The following IQANK1 variants were observed in gnomAD, a reference collection of about 807,000 sequenced individuals.
IQANK1 encodes the protein IQ motif and ankyrin repeat domain-containing protein 1.
In IQANK1, 30 loss-of-function variants were observed where a neutral mutation model predicts 22.6. That is an observed-to-expected ratio of 1.33 (90% CI 0.99 to 1.80). The LOEUF is 1.80. Among genes scored for constraint, IQANK1 ranks in the 40% most tolerant of loss-of-function variants. The pLI is 0.00. For missense variants in IQANK1, 275 were observed against 235.2 expected, an observed-to-expected ratio of 1.17 and a Z score of -1.11; for synonymous variants, 122 against 99.6, an observed-to-expected ratio of 1.23 and a Z score of -1.34.
In IQANK1 at chr8:143,789,501, C is replaced by T; in HGVS notation, c.1059C>T (p.Cys353=). Residue 353 remains cysteine (C), a synonymous_variant, in exon 10 of 14, where the codon TGC becomes TGT. Transcript: ENST00000527139. ...ISEHDQCEWR[C]MDKTKLTLQA... is the part of the protein sequence containing the mutation. Reference sequence around the variant, plus strand: ...AGCACGACCAGTGTGAGTGGAGGTGCATGGACAAGACCAAGCTCACGCTGC... The same window carrying T: ...AGCACGACCAGTGTGAGTGGAGGTGTATGGACAAGACCAAGCTCACGCTGC... 1 of 1,232,212 alleles carries T rather than the reference C, an allele frequency of 8.1e-7. No individual in the cohort carries two copies. Among genetic ancestry groups the T allele is most frequent in the Non-Finnish European group, 1.0e-6 (1 of 988,176 alleles). 76.3% of individuals were successfully genotyped at this position (1,232,212 alleles called of 1,614,324 possible).
intron 7 of IQANK1, among the ~76,000 whole-genome samples, chr8:143,773,983 C>T (rs1554630081): frequency 6.6e-6 from 1 of 152,106 alleles, no homozygotes; most frequent in African/African-American, 2.4e-5. Context: ...CTCCATGGTG[C>T]TGGAGCATTG....
intron 7 of IQANK1, among the ~76,000 whole-genome samples, chr8:143,782,636 A>G (rs1015138601): frequency 6.6e-6 from 1 of 152,056 alleles, no homozygotes; most frequent in East Asian, 1.9e-4. Flanking sequence ...ACGTGCCACC[A>G]TGCCCAGCTA....
At chr8:143,787,254 G>A (rs1026942556) in intron 7 of IQANK1, among the ~76,000 whole-genome samples, 1 of 152,156 alleles carries the variant, frequency 6.6e-6, no homozygotes, top group Non-Finnish European at 1.5e-5. Flanking sequence ...TTTGATTTTG[G>A]CCCTGGTGGG....
chr8:143,781,027 A>G (rs1034908157), intron 7 of IQANK1, among the ~76,000 whole-genome samples: 3 of 152,166 alleles, frequency 2.0e-5, no homozygotes, highest in Admixed American at 2.0e-4. Flanking sequence ...TCTGGCTGGT[A>G]TGAGATGGTG....
intron 3 of IQANK1, among the ~76,000 whole-genome samples, chr8:143,746,542 C>A (rs1482977725): frequency 6.6e-6 from 1 of 152,070 alleles, no homozygotes; most frequent in Admixed American, 6.6e-5. Flanking sequence ...GCCATCATGT[C>A]TGGCTAAATT....
intron 2 of IQANK1, among the ~76,000 whole-genome samples, chr8:143,738,347 G>A (rs1212210944): frequency 3.3e-5 from 5 of 152,198 alleles, no homozygotes; most frequent in African/African-American, 9.6e-5. Context: ...TACAGTGGCC[G>A]TGTGCTCCCA....
intron 7 of IQANK1, among the ~76,000 whole-genome samples, chr8:143,782,860 C>T (rs1819822094): frequency 6.6e-6 from 1 of 152,216 alleles, no homozygotes; most frequent in Non-Finnish European, 1.5e-5. Context: ...TCCATTCATT[C>T]CTAAACATGA....
At chr8:143,749,123 T>C (rs2129824524) in intron 3 of IQANK1, among the ~76,000 whole-genome samples, 1 of 123,404 alleles carries the variant, frequency 8.1e-6, no homozygotes, top group African/African-American at 3.3e-5. Flanking sequence ...AACGTATATA[T>C]AGCATATATG....
intron 3 of IQANK1, chr8:143,759,236 C>A: frequency 5.5e-6 from 1 of 183,020 alleles, no homozygotes; most frequent in East Asian, 1.4e-4. Context: ...CGTTACAGCC[C>A]TGCACCAGCA....
chr8:143,789,162 C>G, intron 8 of IQANK1, 27 bp from the exon 9 acceptor site: 1 of 400,502 alleles, frequency 2.5e-6, no homozygotes, highest in Non-Finnish European at 4.4e-6. Flanking sequence ...GCGGAAGCCT[C>G]TGTCCCAGCT....
At chr8:143,787,120 G>A (rs1244088860) in intron 7 of IQANK1, among the ~76,000 whole-genome samples, 1 of 152,240 alleles carries the variant, frequency 6.6e-6, no homozygotes, top group Non-Finnish European at 1.5e-5. Context: ...CCCAGGGTTT[G>A]TCTCATCCAC....
At chr8:143,766,859 T>C (rs1234879706) in intron 3 of IQANK1, among the ~76,000 whole-genome samples, 1 of 152,170 alleles carries the variant, frequency 6.6e-6, no homozygotes, top group Non-Finnish European at 1.5e-5. Context: ...TTGCCTGTTG[T>C]GAATGGGGTA....
intron 3 of IQANK1, among the ~76,000 whole-genome samples, chr8:143,765,248 T>G (rs1819464293): frequency 6.6e-6 from 1 of 151,940 alleles, no homozygotes; most frequent in African/African-American, 2.4e-5. Flanking sequence ...TCCCCGCTAC[T>G]TGGGAGGCTG....
chr8:143,762,868 G>T (rs372526228), intron 3 of IQANK1, among the ~76,000 whole-genome samples: 244 of 152,228 alleles, frequency 1.6e-3, no homozygotes, highest in African/African-American at 3.7e-3. Flanking sequence ...ATTAGTCTAC[G>T]CAATCCCCTA....
At chr8:143,739,520 G>A (rs1554626144) in intron 2 of IQANK1, 1 of 265,722 alleles carries the variant, frequency 3.8e-6, no homozygotes, top group Non-Finnish European at 7.1e-6. Context: ...GACAGTGTCA[G>A]GGGTGGGGCA....
At chr8:143,767,992 T>C (rs1228205183) in intron 3 of IQANK1, among the ~76,000 whole-genome samples, 1 of 147,730 alleles carries the variant, frequency 6.8e-6, no homozygotes, top group Non-Finnish European at 1.5e-5. Flanking sequence ...CAAGTGATTC[T>C]TCCTGCCTCA....
chr8:143,734,296 C>T (rs1468398370), intron 1 of IQANK1, 77 bp downstream of exon 1: 1 of 151,564 alleles, frequency 6.6e-6, no homozygotes, highest in Non-Finnish European at 1.5e-5. Flanking sequence ...GATCCCCTCA[C>T]CACACACCGG....
chr8:143,767,533 A>T (rs1215248621), intron 3 of IQANK1, among the ~76,000 whole-genome samples: 1 of 152,176 alleles, frequency 6.6e-6, no homozygotes, highest in Non-Finnish European at 1.5e-5. Context: ...TAAGATTAAC[A>T]TCTTACATAG....
rs1387071458 is a variant in IQANK1, at chr8:143,772,262, G to A, written c.663+19G>A. 118 of 397,422 alleles carry A rather than the reference G, an allele frequency of 3.0e-4. No homozygotes were observed. The highest frequency in any genetic ancestry group is 4.9e-5 in the Non-Finnish European group (11 of 225,364). The allele number at this position is 397,422 out of a possible 1,614,324, so 24.6% of individuals were successfully genotyped here. A position where few individuals can be genotyped will look rare whatever the true frequency, so the allele number is the denominator to read the frequency against. ...CAGCAAGGTGGGCGCCGTGGGCCGC[G>A]GGCCGCCGCGCTGAGGGGCGCGGTC... On this transcript the variant is annotated intron_variant, in intron 6 of 13. Transcript: ENST00000527139.
Sources: allele counts gnomAD v4.1 joint callset (sites outside exome capture counted in the v4.1 genomes callset), GRCh38; gene constraint gnomAD v4.1.1; transcripts MANE v1.5; gene names NCBI Gene and HGNC (gene_info 2026-07-23, HGNC 2026-07-21).